KRT222: variants seen among roughly 807,000 people sequenced by gnomAD.
KRT222 encodes the protein keratin-like protein KRT222.
Under a neutral mutation model 35.0 loss-of-function variants are expected in KRT222, and 23 were observed. The observed-to-expected ratio is 0.66, with a 90% CI of 0.47 to 0.93. The LOEUF (loss-of-function observed/expected upper bound fraction) is 0.93, where lower values mean the gene tolerates loss of function less well. Among genes scored for constraint, KRT222 ranks in the 40% least tolerant of loss-of-function variants. KRT222 has a pLI of 0.00. For synonymous variants in KRT222, 108 were observed against 118.8 expected (o/e 0.91, Z 0.59); for missense variants, 339 against 346.3 (o/e 0.98, Z 0.17).
Position 40,655,679 on chromosome 17 carries a change from A to G in KRT222, c.*723T>C, listed in dbSNP as rs1247256776. The G allele has an allele frequency of 1.3e-5, 2 of 151,980 alleles. No individual in the cohort carries two copies. The highest frequency in any genetic ancestry group is 2.9e-5 in the Non-Finnish European group (2 of 67,952). 9.4% of individuals were successfully genotyped at this position (151,980 alleles called of 1,614,324 possible). The stretch of plus-strand genomic sequence containing the variant: ...TTTTTTGGTGGGGGATACAACCTTT[A>G]AAGTTCCTTGAGTAAAGTAAATCTT... On this transcript the variant is annotated 3_prime_UTR_variant, in exon 6 of 6. Transcript: ENST00000394052.
intron 3 of KRT222, among the ~76,000 whole-genome samples, chr17:40,659,720 G>A (rs1234629898): frequency 6.6e-6 from 1 of 152,168 alleles, no homozygotes; most frequent in Non-Finnish European, 1.5e-5. Context: ...CACTGCAGCT[G>A]GCCAAGACTA....
chr17:40,656,626 C>T lies in KRT222; in HGVS notation c.664G>A (p.Glu222Lys). The T allele has an allele frequency of 6.3e-7, 1 of 1,579,668 alleles. No homozygotes were observed. Among genetic ancestry groups the T allele is most frequent in the Non-Finnish European group, 8.7e-7 (1 of 1,148,952 alleles). Residue 222 changes from glutamate to lysine, a missense_variant, in exon 6 of 6, where the codon GAG (glutamate) becomes AAG (lysine). Transcript: ENST00000394052. ...TCTTTAATAACTTCATCCACTTTCT[C>T]TGTCCTGAAATGATAAAATAAACCT... ...STEAHGTIQT[E>K]KVDEVIKEWE...
At chr17:40,661,736 G>T (rs1170928526) in intron 2 of KRT222, among the ~76,000 whole-genome samples, 180 bp downstream of exon 2, 1 of 152,296 alleles carries the variant, frequency 6.6e-6, no homozygotes, top group Middle Eastern at 3.4e-3. Flanking sequence ...GAGTGAGTTG[G>T]TAACAGCCAC....
rs370631766 is a variant in KRT222 at position 40,661,885 on chromosome 17, A to G, written c.225+31T>C. 3.7e-5 allele frequency: 59 copies of G among 1,606,674 alleles called. No individual in the cohort carries two copies. The African/African-American group carries it at 7.2e-4, about 20-fold the overall frequency. On this transcript the variant is annotated intron_variant, in intron 2 of 5. Transcript: ENST00000394052. Reference sequence around the variant, plus strand: ...TAATCAAATCACATCTGAGGACTCGATGGGTCGGTTACTTTTGGGATCATT... The same window carrying G: ...TAATCAAATCACATCTGAGGACTCGGTGGGTCGGTTACTTTTGGGATCATT...
At chr17:40,657,820 T>C (rs2037356159) in intron 3 of KRT222, 70 bp from the exon 4 acceptor site, 5 of 1,044,536 alleles carry the variant, frequency 4.8e-6, no homozygotes, top group Non-Finnish European at 7.4e-6. Flanking sequence ...AACAGGAGAA[T>C]GGATAAATCG....
chr17:40,658,644 G>A (rs970364577), intron 3 of KRT222, among the ~76,000 whole-genome samples: 1 of 152,026 alleles, frequency 6.6e-6, no homozygotes, highest in Non-Finnish European at 1.5e-5. Context: ...GCTAGTAAGT[G>A]GTATATTTTT....
chr17:40,662,691 T>C (rs1012437376), intron 1 of KRT222, among the ~76,000 whole-genome samples: 1 of 152,190 alleles, frequency 6.6e-6, no homozygotes, highest in African/African-American at 2.4e-5. Flanking sequence ...ATAATAAAAA[T>C]GACTTCTCTA....
At chr17:40,661,342 C>G (rs893754822) in intron 2 of KRT222, among the ~76,000 whole-genome samples, 3 of 151,816 alleles carry the variant, frequency 2.0e-5, no homozygotes, top group Non-Finnish European at 4.4e-5. Context: ...TCTTGGCTTA[C>G]TGCAACCTCT....
At chr17:40,658,748 G>T (rs1444708955) in intron 3 of KRT222, among the ~76,000 whole-genome samples, 1 of 152,104 alleles carries the variant, frequency 6.6e-6, no homozygotes, top group Non-Finnish European at 1.5e-5. Flanking sequence ...TTTTATAGAG[G>T]ACTTAGAATT....
Position 40,656,272 on chromosome 17 carries a change from G to A in KRT222, c.*130C>T. The A allele has an allele frequency of 1.6e-6, 1 of 620,946 alleles. No homozygotes were observed. Among genetic ancestry groups the A allele is most frequent in the Admixed American group, 2.8e-5 (1 of 35,412 alleles). 38.5% of individuals were successfully genotyped at this position (620,946 alleles called of 1,614,324 possible). A position where few individuals can be genotyped will look rare whatever the true frequency, so the allele number is the denominator to read the frequency against. On this transcript the variant is annotated 3_prime_UTR_variant, in exon 6 of 6. Coordinates refer to ENST00000394052, the MANE Select transcript of KRT222 (RefSeq NM_152349.3). ...TCCTTTATTGTTTTTTTCTTCTGAA[G>A]AGAACCACATATTGATCATAACATT...
At chr17:40,662,569 T>C (rs1180840793) in intron 1 of KRT222, among the ~76,000 whole-genome samples, 3 of 152,200 alleles carry the variant, frequency 2.0e-5, no homozygotes, top group African/African-American at 7.2e-5. Context: ...TTATAGGCAA[T>C]AAGGCTCACA....
chr17:40,662,158 T>C lies in KRT222; in HGVS notation c.97-114A>G, dbSNP rs2037388153. The C allele has an allele frequency of 3.0e-6, 4 of 1,322,618 alleles. No individual in the cohort carries two copies. In the South Asian group the frequency reaches 5.7e-5, roughly 19 times the overall value. The allele number at this position is 1,322,618 out of a possible 1,614,324, so 81.9% of individuals were successfully genotyped here. A position where few individuals can be genotyped will look rare whatever the true frequency, so the allele number is the denominator to read the frequency against. On this transcript the variant is annotated intron_variant, in intron 1 of 5. Transcript: ENST00000394052. Reference sequence around the variant, plus strand: ...TGTATAGGAATCAAAGCATTTTTCCTTAACTCATTAGATTATAATGTGTGT... The same window carrying C: ...TGTATAGGAATCAAAGCATTTTTCCCTAACTCATTAGATTATAATGTGTGT...
intron 2 of KRT222, 70 bp from the exon 3 acceptor site, chr17:40,660,277 T>C: frequency 8.1e-7 from 1 of 1,228,732 alleles, no homozygotes; most frequent in Non-Finnish European, 1.2e-6. Flanking sequence ...ATTTGCAATA[T>C]CTTCATCTTT....
intron 1 of KRT222, among the ~76,000 whole-genome samples, chr17:40,662,497 A>G (rs1160997003): frequency 6.6e-6 from 1 of 152,222 alleles, no homozygotes; most frequent in Non-Finnish European, 1.5e-5. Context: ...GGGACCAGGT[A>G]TAGGGATAGG....
At position 40,656,278 on chromosome 17, in the gene KRT222, C is replaced by A. The variant is rs1035544820; in HGVS notation, c.*124G>T. 122 of 645,906 alleles carry A rather than the reference C, an allele frequency of 1.9e-4. No homozygotes were observed. The highest frequency in any genetic ancestry group is 1.8e-4 in the Non-Finnish European group (64 of 363,906). 40.0% of individuals were successfully genotyped at this position (645,906 alleles called of 1,614,324 possible). Reference sequence around the variant, plus strand: ...ATTGTTTTTTTCTTCTGAAGAGAACCACATATTGATCATAACATTTTCCAT... The same window carrying A: ...ATTGTTTTTTTCTTCTGAAGAGAACAACATATTGATCATAACATTTTCCAT... On this transcript the variant is annotated 3_prime_UTR_variant, in exon 6 of 6. Coordinates refer to ENST00000394052, the MANE Select transcript of KRT222 (RefSeq NM_152349.3).
At chr17:40,663,701 A>G (rs968430499) in intron 1 of KRT222, among the ~76,000 whole-genome samples, 3 of 152,240 alleles carry the variant, frequency 2.0e-5, no homozygotes, top group Non-Finnish European at 4.4e-5. Context: ...ATTTCAGCTG[A>G]CTTTCTGAGT....
intron 1 of KRT222, 36 bp downstream of exon 1, chr17:40,664,968 T>C (rs776100678): frequency 6.2e-7 from 1 of 1,613,406 alleles, no homozygotes; most frequent in Admixed American, 1.7e-5. Context: ...ACTGTCTCCT[T>C]ATTCTGGAAG....
At chr17:40,664,891 T>C (rs543794711) in intron 1 of KRT222, 113 bp downstream of exon 1, 298 of 1,553,112 alleles carry the variant, frequency 1.9e-4, no homozygotes, top group Non-Finnish European at 2.4e-4. Context: ...CCTTCCCCAA[T>C]AGATGCTGCA....
chr17:40,660,949 G>C (rs1443321502), intron 2 of KRT222, among the ~76,000 whole-genome samples: 3 of 151,884 alleles, frequency 2.0e-5, no homozygotes, highest in Admixed American at 6.6e-5. Flanking sequence ...AATACTTTTT[G>C]TTTGTTTGTT....
Sources: allele counts gnomAD v4.1 joint callset (sites outside exome capture counted in the v4.1 genomes callset), GRCh38; gene constraint gnomAD v4.1.1; transcripts MANE v1.5; gene names NCBI Gene and HGNC (gene_info 2026-07-23, HGNC 2026-07-21).